The following CTXND1 variants were observed in gnomAD, a reference collection of about 807,000 sequenced individuals.
The protein encoded by CTXND1 is cortexin domain containing 1.
chr15:80,202,900 CA>C (rs1217568796), intron 2 of CTXND1, among the ~76,000 whole-genome samples: 6 of 152,212 alleles, frequency 3.9e-5, no homozygotes, highest in Admixed American at 3.9e-4. Context: ...GGACAGCTCT[CA>C]ATTATTGTTA....
chr15:80,248,435 A>T (rs1258549263), intron 1 of CTXND1, among the ~76,000 whole-genome samples: 1 of 152,138 alleles, frequency 6.6e-6, no homozygotes, highest in Admixed American at 6.6e-5. Flanking sequence ...CAATTTCAGG[A>T]GTTTTGCCAT....
intron 1 of CTXND1, among the ~76,000 whole-genome samples, chr15:80,221,222 T>C (rs907708897): frequency 5.3e-5 from 8 of 152,180 alleles, no homozygotes; most frequent in African/African-American, 1.9e-4. Flanking sequence ...ATTATTAATT[T>C]ATTTGTTAGA....
intron 1 of CTXND1, among the ~76,000 whole-genome samples, chr15:80,236,591 T>A (rs554950851): frequency 6.6e-6 from 1 of 152,204 alleles, no homozygotes; most frequent in South Asian, 2.1e-4. Context: ...GAGACCAGCC[T>A]GGGCAACATG....
intron 1 of CTXND1, among the ~76,000 whole-genome samples, chr15:80,248,210 C>T (rs190652789): frequency 7.1e-4 from 108 of 152,292 alleles, no homozygotes; most frequent in African/African-American, 2.5e-3. Flanking sequence ...ATGTCCTGGT[C>T]GTACAAGTCA....
chr15:80,227,685 C>G (rs1184103109), intron 1 of CTXND1, among the ~76,000 whole-genome samples: 1 of 152,108 alleles, frequency 6.6e-6, no homozygotes, highest in Non-Finnish European at 1.5e-5. Context: ...AACTTACATA[C>G]CTTAATTAAA....
chr15:80,223,416 C>T lies in CTXND1; in HGVS notation c.-217-19676G>A, dbSNP rs532351229. Among the ~76,000 whole-genome samples, 7 of 152,226 alleles carry T rather than the reference C, an allele frequency of 4.6e-5. No individual in the cohort carries two copies. In the South Asian group the frequency reaches 1.5e-3, roughly 32 times the overall value. The stretch of plus-strand genomic sequence containing the variant: ...TCTTTTTTATTGCTGTGAAGTATTC[C>T]ATTGTATGAAATGCACGATATCACG... On this transcript the variant is annotated intron_variant, in intron 1 of 2. Coordinates refer to ENST00000560778, the MANE Select transcript of CTXND1 (RefSeq NM_001352888.2).
intron 1 of CTXND1, among the ~76,000 whole-genome samples, chr15:80,218,034 T>C (rs1253087213): frequency 6.6e-6 from 1 of 152,240 alleles, no homozygotes; most frequent in African/African-American, 2.4e-5. Flanking sequence ...TATAACTTCT[T>C]GGGAAATTGT....
intron 1 of CTXND1, among the ~76,000 whole-genome samples, chr15:80,229,813 GA>G (rs1480501277): frequency 6.6e-6 from 1 of 151,974 alleles, no homozygotes; most frequent in Non-Finnish European, 1.5e-5. Context: ...CACAAAAATA[GA>G]AAAAATACAT....
At chr15:80,234,327 C>G (rs960402094) in intron 1 of CTXND1, among the ~76,000 whole-genome samples, 9 of 151,960 alleles carry the variant, frequency 5.9e-5, no homozygotes, top group Non-Finnish European at 1.2e-4. Flanking sequence ...TATTTTCATC[C>G]AAGCGATGGG....
chr15:80,207,310 G>A (rs1035712616), intron 1 of CTXND1, among the ~76,000 whole-genome samples: 6 of 145,882 alleles, frequency 4.1e-5, no homozygotes, highest in African/African-American at 1.5e-4. Flanking sequence ...TTCTTTTTAT[G>A]CTGTAGTCTG....
At chr15:80,247,532 T>C (rs531086989) in intron 1 of CTXND1, among the ~76,000 whole-genome samples, 6 of 152,060 alleles carry the variant, frequency 3.9e-5, no homozygotes, top group African/African-American at 1.4e-4. Flanking sequence ...GGGAGGAATT[T>C]AGTCATAGGT....
intron 1 of CTXND1, among the ~76,000 whole-genome samples, chr15:80,218,335 T>G (rs1893275296): frequency 6.6e-6 from 1 of 152,186 alleles, no homozygotes; most frequent in East Asian, 1.9e-4. Flanking sequence ...AAGTGGAGTC[T>G]CGCTATGTTG....
At chr15:80,207,678 C>T (rs1893162257) in intron 1 of CTXND1, among the ~76,000 whole-genome samples, 1 of 152,176 alleles carries the variant, frequency 6.6e-6, no homozygotes, top group Non-Finnish European at 1.5e-5. Context: ...TATTTTTCTG[C>T]AGAGAGGATT....
chr15:80,227,633 A>G (rs932760908), intron 1 of CTXND1, among the ~76,000 whole-genome samples: 6 of 152,246 alleles, frequency 3.9e-5, no homozygotes, highest in Non-Finnish European at 8.8e-5. Flanking sequence ...TTATATGTAC[A>G]CTATATTGTA....
chr15:80,215,165 C>T (rs1893238880), intron 1 of CTXND1, among the ~76,000 whole-genome samples: 1 of 152,188 alleles, frequency 6.6e-6, no homozygotes. Context: ...GCAGCCAGAC[C>T]AAGGCCAAGT....
At chr15:80,250,157 T>A (rs554358251) in intron 1 of CTXND1, among the ~76,000 whole-genome samples, 47 of 152,368 alleles carry the variant, frequency 3.1e-4, no homozygotes, top group African/African-American at 1.1e-3. Flanking sequence ...GTCTGTGCTG[T>A]AATAGTGTGG....
chr15:80,251,511 G>A (rs1206203768), intron 1 of CTXND1, among the ~76,000 whole-genome samples: 1 of 152,192 alleles, frequency 6.6e-6, no homozygotes, highest in African/African-American at 2.4e-5. Flanking sequence ...CCACAGGAGA[G>A]GGAATTTTAG....
At chr15:80,245,513 A>T (rs973232753) in intron 1 of CTXND1, among the ~76,000 whole-genome samples, 2 of 152,268 alleles carry the variant, frequency 1.3e-5, no homozygotes, top group East Asian at 3.9e-4. Context: ...CCCAGAGCAC[A>T]TGTCCCAAGA....
Position 80,208,658 on chromosome 15 carries a change from A to C in CTXND1, c.-217-4918T>G, listed in dbSNP as rs528705529. Among the ~76,000 whole-genome samples, 10 of 152,314 alleles carry C rather than the reference A, an allele frequency of 6.6e-5. No homozygotes were observed. In the South Asian group the frequency reaches 2.1e-3, roughly 32 times the overall value. On this transcript the variant is annotated intron_variant, in intron 1 of 2. Coordinates refer to ENST00000560778, the MANE Select transcript of CTXND1 (RefSeq NM_001352888.2). ...TCCTCACACCCTCTCCAGCAGTATCACCATCATTAGTGTGGTATGCACTCT... is the reference window on the plus strand; with the variant it reads ...TCCTCACACCCTCTCCAGCAGTATCCCCATCATTAGTGTGGTATGCACTCT...
Sources: gnomAD v4.1 joint callset for allele counts (sites outside exome capture counted in the v4.1 genomes callset) on GRCh38, gnomAD v4.1.1 for gene constraint, MANE v1.5 for transcripts, NCBI Gene and HGNC (gene_info 2026-07-23, HGNC 2026-07-21) for gene names.